DOCK2: variants seen among roughly 807,000 people sequenced by gnomAD.
DOCK2 encodes dedicator of cytokinesis 2.
A neutral mutation model predicts 248.9 loss-of-function variants in DOCK2; 87 were observed. The ratio of observed to expected loss-of-function variants is 0.35; its 90% CI spans 0.29 to 0.42. DOCK2 has a LOEUF of 0.42. DOCK2 is among the 10% of genes least tolerant of loss of function. The pLI is 1.00. For missense variants in DOCK2, 1,747 were observed against 2,300.2 expected (o/e 0.76, Z 4.92); for synonymous variants, 805 against 821.6 (o/e 0.98, Z 0.35).
chr5:169,995,029 ATTT>A (rs11321220), intron 29 of DOCK2, among the ~76,000 whole-genome samples: 2,228 of 140,566 alleles, frequency 0.016, 57 homozygotes, highest in African/African-American at 0.054. Flanking sequence ...GTTATTTTTT[ATTT>A]TTTTTTTTTT....
At chr5:169,889,039 C>T (rs1459092977) in intron 27 of DOCK2, among the ~76,000 whole-genome samples, 1 of 152,144 alleles carries the variant, frequency 6.6e-6, no homozygotes, top group Non-Finnish European at 1.5e-5. Context: ...CTCTAAGCTC[C>T]TTGAGAGACA....
chr5:170,019,586 T>A (rs1366417134), intron 33 of DOCK2, among the ~76,000 whole-genome samples: 1 of 152,168 alleles, frequency 6.6e-6, no homozygotes, highest in Non-Finnish European at 1.5e-5. Context: ...AGGAGGGACC[T>A]GTGGATCTGT....
At chr5:169,987,388 C>G (rs898646162) in intron 29 of DOCK2, among the ~76,000 whole-genome samples, 1 of 152,184 alleles carries the variant, frequency 6.6e-6, no homozygotes, top group African/African-American at 2.4e-5. Context: ...TCAGTTCTAC[C>G]AAAACCACAA....
chr5:169,645,699 A>AT (rs1386302295), intron 1 of DOCK2, among the ~76,000 whole-genome samples: 25 of 152,060 alleles, frequency 1.6e-4, no homozygotes, highest in Admixed American at 2.0e-4. Flanking sequence ...TTGCCCATGC[A>AT]TATGTCCTGA....
At chr5:170,062,908 C>T (rs1231437634) in intron 44 of DOCK2, among the ~76,000 whole-genome samples, 2 of 152,030 alleles carry the variant, frequency 1.3e-5, no homozygotes, top group African/African-American at 4.8e-5. Flanking sequence ...AAGGGGCAAA[C>T]AAATATTAAC....
chr5:169,750,436 C>T (rs1187790298), intron 23 of DOCK2, among the ~76,000 whole-genome samples: 1 of 152,196 alleles, frequency 6.6e-6, no homozygotes, highest in Non-Finnish European at 1.5e-5. Flanking sequence ...CTTCTCAATG[C>T]CTCAGTTTCC....
intron 29 of DOCK2, 29 bp downstream of exon 29, chr5:169,985,951 A>G: frequency 6.3e-7 from 1 of 1,584,168 alleles, no homozygotes; most frequent in Non-Finnish European, 8.6e-7. Flanking sequence ...CCGCAAAGCT[A>G]CCTTACCCAG....
Position 169,637,369 on chromosome 5 carries a change from G to A in DOCK2, c.43G>A (p.Ala15Thr). The A allele has an allele frequency of 1.4e-6, 2 of 1,422,378 alleles. No individual in the cohort carries two copies. The highest frequency in any genetic ancestry group is 1.8e-6 in the Non-Finnish European group (2 of 1,088,386). 88.1% of individuals were successfully genotyped at this position (1,422,378 alleles called of 1,614,324 possible). Residue 15 changes from alanine (A) to threonine (T), a missense_variant and splice_region_variant, in exon 1 of 52, where the codon GCC becomes ACC. By Grantham distance (58) the Ala-to-Thr change is moderately conservative (BLOSUM62 0). Coordinates refer to ENST00000520908, the MANE Select transcript of DOCK2 (RefSeq NM_004946.3). ...RKADKERHGV[A>T]IYNFQGSGAP... ...AGCTGACAAGGAGCGGCACGGCGTG[G>A]GTAGGTGCGGGCCCCAGGGCGCGGC...
chr5:169,850,097 G>A lies in DOCK2; in HGVS notation c.2799+9245G>A, dbSNP rs1458503632. On this transcript the variant is annotated intron_variant, in intron 27 of 51. Coordinates refer to ENST00000520908, the MANE Select transcript of DOCK2 (RefSeq NM_004946.3). ...TTGAGTGGAAGACAAGACTGGGGGT[G>A]GGGAGCGGAAGCATCCCCTCCACAG... 3.3e-5 allele frequency among the ~76,000 whole-genome samples: 5 copies of A among 152,202 alleles called. No homozygotes were observed. The East Asian group carries it at 5.8e-4, about 18-fold the overall frequency.
chr5:169,922,342 C>T (rs1268175311), intron 27 of DOCK2, among the ~76,000 whole-genome samples: 1 of 152,142 alleles, frequency 6.6e-6, no homozygotes, highest in Non-Finnish European at 1.5e-5. Flanking sequence ...ATCTGGAATA[C>T]CAAGAAATAA....
chr5:170,049,956 G>A (rs1007143715), intron 40 of DOCK2, among the ~76,000 whole-genome samples: 2 of 152,204 alleles, frequency 1.3e-5, no homozygotes, highest in Non-Finnish European at 2.9e-5. Context: ...GAGAGTGGGT[G>A]TGACACAGTG....
chr5:169,871,230 T>C (rs948707187), intron 27 of DOCK2, among the ~76,000 whole-genome samples: 3 of 152,200 alleles, frequency 2.0e-5, no homozygotes, highest in African/African-American at 7.2e-5. Context: ...AGTTTCCTGA[T>C]ACCTAGTCCT....
chr5:169,773,432 A>G (rs147758982), intron 25 of DOCK2, among the ~76,000 whole-genome samples: 2 of 141,196 alleles, frequency 1.4e-5, no homozygotes, highest in East Asian at 2.2e-4. Flanking sequence ...CAATGTAAAT[A>G]AACTCAATAA....
chr5:169,752,061 T>A (rs1279377363), intron 23 of DOCK2, among the ~76,000 whole-genome samples: 2 of 152,176 alleles, frequency 1.3e-5, no homozygotes, highest in Non-Finnish European at 2.9e-5. Context: ...GACCACATGC[T>A]CAGAAGTCCT....
intron 27 of DOCK2, among the ~76,000 whole-genome samples, chr5:169,943,071 C>G (rs1261950229): frequency 6.6e-6 from 1 of 152,110 alleles, no homozygotes; most frequent in Non-Finnish European, 1.5e-5. Flanking sequence ...ACCTGCAGGT[C>G]TTTGGAACGC....
intron 22 of DOCK2, among the ~76,000 whole-genome samples, chr5:169,727,761 T>C (rs921939287): frequency 6.6e-6 from 1 of 152,228 alleles, no homozygotes; most frequent in Non-Finnish European, 1.5e-5. Flanking sequence ...TAAGCATCTA[T>C]TGAGTTTTGT....
chr5:170,081,413 A>G (rs900343055), intron 50 of DOCK2: 1 of 168,818 alleles, frequency 5.9e-6, no homozygotes, highest in African/African-American at 2.4e-5. Context: ...GGCTGTAACC[A>G]CTAGGTCATC....
intron 27 of DOCK2, among the ~76,000 whole-genome samples, chr5:169,845,289 C>T (rs1770238498): frequency 6.6e-6 from 1 of 151,892 alleles, no homozygotes; most frequent in African/African-American, 2.4e-5. Context: ...AGCTACCCTG[C>T]CTCTGTCCCT....
At chr5:169,809,683 A>C (rs1767617456) in intron 26 of DOCK2, among the ~76,000 whole-genome samples, 1 of 152,172 alleles carries the variant, frequency 6.6e-6, no homozygotes, top group Non-Finnish European at 1.5e-5. Context: ...TTCCACACTG[A>C]CTTCGCAGAG....
Sources: allele counts gnomAD v4.1 joint callset (sites outside exome capture counted in the v4.1 genomes callset), GRCh38; gene constraint gnomAD v4.1.1; transcripts MANE v1.5; gene names NCBI Gene and HGNC (gene_info 2026-07-23, HGNC 2026-07-21).